The following PDE3A variants were observed in gnomAD, a reference collection of about 807,000 sequenced individuals.
PDE3A encodes the protein cGMP-inhibited 3',5'-cyclic phosphodiesterase 3A.
A neutral mutation model predicts 98.3 loss-of-function variants in PDE3A; 43 were observed. The ratio of observed to expected loss-of-function variants is 0.44; its 90% CI spans 0.34 to 0.56. The LOEUF (loss-of-function observed/expected upper bound fraction) is 0.56. PDE3A is among the 20% of genes least tolerant of loss of function. The pLI is 0.01. For synonymous variants in PDE3A, 663 were observed against 567.9 expected, an observed-to-expected ratio of 1.17 and a Z score of -2.38; for missense variants, 1,427 against 1,440.7, an observed-to-expected ratio of 0.99 and a Z score of 0.15.
At chr12:20,452,614 T>G (rs1276400510) in intron 1 of PDE3A, among the ~76,000 whole-genome samples, 1 of 152,198 alleles carries the variant, frequency 6.6e-6, no homozygotes, top group African/African-American at 2.4e-5. Context: ...AATAAAACAT[T>G]TGCTATATTT....
chr12:20,371,845 G>C (rs1454958563), intron 1 of PDE3A, among the ~76,000 whole-genome samples: 2 of 152,100 alleles, frequency 1.3e-5, no homozygotes, highest in African/African-American at 4.8e-5. Flanking sequence ...ACAGTTATGG[G>C]AGAGAATGTC....
chr12:20,598,125 C>G (rs2121398940), intron 2 of PDE3A, among the ~76,000 whole-genome samples: 1 of 151,590 alleles, frequency 6.6e-6, no homozygotes, highest in African/African-American at 2.4e-5. Flanking sequence ...TGATGGAATC[C>G]TTGATTAGTT....
chr12:20,405,530 T>G (rs1233166715), intron 1 of PDE3A, among the ~76,000 whole-genome samples: 1 of 152,176 alleles, frequency 6.6e-6, no homozygotes, highest in Non-Finnish European at 1.5e-5. Flanking sequence ...CTTACTCTGT[T>G]GTGTGGTCTT....
chr12:20,448,146 G>A (rs1428676482), intron 1 of PDE3A, among the ~76,000 whole-genome samples: 1 of 152,264 alleles, frequency 6.6e-6, no homozygotes, highest in African/African-American at 2.4e-5. Context: ...TATTAAGACT[G>A]TCCATTCTAG....
chr12:20,648,075 G>C (rs1944819577), intron 12 of PDE3A, among the ~76,000 whole-genome samples: 1 of 151,128 alleles, frequency 6.6e-6, no homozygotes, highest in Non-Finnish European at 1.5e-5. Context: ...TTTCAAACAA[G>C]TAAATGTCAT....
rs754378525 is a variant in PDE3A, at chr12:20,616,289, C to G, written c.1329C>G (p.Thr443=). The G allele has an allele frequency of 1.4e-5, 23 of 1,613,970 alleles. No homozygotes were observed. The highest frequency in any genetic ancestry group is 1.9e-5 in the Non-Finnish European group (23 of 1,179,962). ...LLRRVSSTWT[T]TTSATGLPTL... Reference sequence around the variant, plus strand: ...GACGAGTTTCTTCCACTTGGACCACCACCACCTCGGCCACAGGTCTACCCA... The same window carrying G: ...GACGAGTTTCTTCCACTTGGACCACGACCACCTCGGCCACAGGTCTACCCA... Residue 443 remains threonine, a synonymous_variant, in exon 4 of 16, where the codon ACC becomes ACG. Transcript: ENST00000359062.
chr12:20,623,813 GAATTTATGATGGATGTATTCTAGA>G (rs1245257118), intron 5 of PDE3A, among the ~76,000 whole-genome samples: 50 of 152,232 alleles, frequency 3.3e-4, no homozygotes, highest in African/African-American at 1.2e-3. Context: ...ATTCTAGAAA[GAATTTATGATGGATGTATTCTAGA>G]AAGAAGAAGA....
intron 7 of PDE3A, 118 bp downstream of exon 7, chr12:20,633,896 C>G (rs1292240902): frequency 1.8e-5 from 11 of 599,616 alleles, no homozygotes; most frequent in Non-Finnish European, 3.2e-5. Context: ...GACGGGGTCT[C>G]ATGATGTTGG....
intron 1 of PDE3A, among the ~76,000 whole-genome samples, chr12:20,483,272 C>T (rs1057066715): frequency 2.3e-4 from 35 of 152,194 alleles, no homozygotes; most frequent in African/African-American, 7.5e-4. Flanking sequence ...GCCTGTAGTT[C>T]CAGCTACCGG....
At chr12:20,404,443 G>A (rs2120676939) in intron 1 of PDE3A, among the ~76,000 whole-genome samples, 1 of 152,136 alleles carries the variant, frequency 6.6e-6, no homozygotes, top group East Asian at 1.9e-4. Flanking sequence ...GGACAACTTT[G>A]GTAATTTTCA....
intron 1 of PDE3A, among the ~76,000 whole-genome samples, chr12:20,409,163 C>T (rs529793577): frequency 3.9e-5 from 6 of 152,252 alleles, no homozygotes; most frequent in Non-Finnish European, 8.8e-5. Flanking sequence ...GTTTCTTGGA[C>T]AGATGCATCT....
At chr12:20,672,549 T>C (rs538981037) in intron 15 of PDE3A, among the ~76,000 whole-genome samples, 14 of 150,802 alleles carry the variant, frequency 9.3e-5, no homozygotes, top group Admixed American at 6.6e-4. Flanking sequence ...ACGCTGCATA[T>C]CTACAACTAT....
intron 1 of PDE3A, among the ~76,000 whole-genome samples, chr12:20,500,409 G>A (rs1462110648): frequency 6.6e-6 from 1 of 152,016 alleles, no homozygotes; most frequent in Non-Finnish European, 1.5e-5. Flanking sequence ...TGTGTACATT[G>A]TTAAAAAGAA....
At chr12:20,386,006 A>G (rs1250770536) in intron 1 of PDE3A, among the ~76,000 whole-genome samples, 1 of 105,538 alleles carries the variant, frequency 9.5e-6, no homozygotes, top group Non-Finnish European at 1.8e-5. Context: ...ATATATATAT[A>G]AATATATATA....
Position 20,623,747 on chromosome 12 carries a change from ATATTCTAGAAAGAATATATGATGGATG to A in PDE3A, c.1540+2352_1540+2378del, listed in dbSNP as rs71442259. Among the ~76,000 whole-genome samples the A allele has an allele frequency of 4.2e-3, 399 of 95,360 alleles. 4 individuals carry two copies. The highest frequency in any genetic ancestry group is 0.015 in the African/African-American group (385 of 25,512). 62.6% of individuals were successfully genotyped at this position (95,360 alleles called of 152,430 possible). A position where few individuals can be genotyped will look rare whatever the true frequency, so the allele number is the denominator to read the frequency against. ...ATTCTAGAAAGAATATATGATGGAT[ATATTCTAGAAAGAATATATGATGGATG>A]TATTCTAGAAAGAATTTATGATGGA... is the stretch of plus-strand genomic sequence containing the variant. On this transcript the variant is annotated intron_variant, in intron 5 of 15. Transcript: ENST00000359062.
chr12:20,480,311 G>A (rs752050879), intron 1 of PDE3A, among the ~76,000 whole-genome samples: 6 of 152,064 alleles, frequency 3.9e-5, no homozygotes, highest in Non-Finnish European at 5.9e-5. Context: ...CATCATCCAG[G>A]TTATATATTT....
intron 1 of PDE3A, among the ~76,000 whole-genome samples, chr12:20,415,845 A>G (rs1944413424): frequency 6.6e-6 from 1 of 152,220 alleles, no homozygotes; most frequent in South Asian, 2.1e-4. Flanking sequence ...TTGGAGACAG[A>G]AACAGAGAGG....
At chr12:20,589,320 GTATT>G (rs1331960521) in intron 2 of PDE3A, among the ~76,000 whole-genome samples, 2 of 152,106 alleles carry the variant, frequency 1.3e-5, no homozygotes, top group Non-Finnish European at 2.9e-5. Flanking sequence ...AAAGTGGAAA[GTATT>G]TATACCAGAA....
intron 1 of PDE3A, among the ~76,000 whole-genome samples, chr12:20,543,918 T>A (rs1202541054): frequency 1.3e-5 from 2 of 151,896 alleles, no homozygotes; most frequent in Admixed American, 1.3e-4. Flanking sequence ...ATTAGCTAAG[T>A]CATGGAGACA....
Sources: gnomAD v4.1 joint callset for allele counts (sites outside exome capture counted in the v4.1 genomes callset) on GRCh38, gnomAD v4.1.1 for gene constraint, MANE v1.5 for transcripts, NCBI Gene and HGNC (gene_info 2026-07-23, HGNC 2026-07-21) for gene names.